Variants in PTPRO observed in about 807,000 individuals in gnomAD.
PTPRO encodes receptor-type tyrosine-protein phosphatase O.
In PTPRO, 62 loss-of-function variants were observed where a neutral mutation model predicts 145.2. The observed-to-expected ratio is 0.43, with a 90% CI of 0.35 to 0.53. The LOEUF (loss-of-function observed/expected upper bound fraction) is 0.53. Ranked by LOEUF, PTPRO falls within the 20% of genes least tolerant of loss-of-function variation. The probability of loss-of-function intolerance (pLI) is 0.01; values close to 1 mark genes in which losing one functional copy is unlikely to be tolerated. For synonymous variants in PTPRO, 565 were observed against 514.7 expected (o/e 1.10, Z -1.32); for missense variants, 1,345 against 1,482.7 (o/e 0.91, Z 1.53).
intron 1 of PTPRO, among the ~76,000 whole-genome samples, chr12:15,435,606 T>A (rs985432622): frequency 1.2e-4 from 18 of 152,058 alleles, no homozygotes; most frequent in African/African-American, 4.1e-4. Flanking sequence ...CCTCTTTACC[T>A]GTATCAGTTT....
At chr12:15,522,768 A>T (rs2136519813) in intron 10 of PTPRO, among the ~76,000 whole-genome samples, 1 of 152,354 alleles carries the variant, frequency 6.6e-6, no homozygotes, top group East Asian at 1.9e-4. Flanking sequence ...TAATAAACAA[A>T]TAGTGACATC....
chr12:15,585,960 A>G (rs988115127), intron 23 of PTPRO, among the ~76,000 whole-genome samples: 1 of 151,036 alleles, frequency 6.6e-6, no homozygotes, highest in Non-Finnish European at 1.5e-5. Flanking sequence ...TATACAAGTT[A>G]TACTCACTTA....
At chr12:15,546,491 C>A in intron 12 of PTPRO, 78 bp from the exon 13 acceptor site, 2 of 1,542,816 alleles carry the variant, frequency 1.3e-6, no homozygotes, top group Non-Finnish European at 1.8e-6. Context: ...TTGGGGGATG[C>A]TTCACCTGCT....
intron 3 of PTPRO, 131 bp downstream of exon 3, chr12:15,497,534 A>C: frequency 1.0e-6 from 1 of 989,800 alleles, no homozygotes; most frequent in Non-Finnish European, 1.5e-6. Flanking sequence ...GCCATTAAAA[A>C]TAATTATTGA....
At chr12:15,341,018 A>C (rs2136215659) in intron 1 of PTPRO, among the ~76,000 whole-genome samples, 1 of 152,350 alleles carries the variant, frequency 6.6e-6, no homozygotes, top group East Asian at 1.9e-4. Context: ...AGTTGCATAA[A>C]AAATTACATC....
intron 1 of PTPRO, among the ~76,000 whole-genome samples, chr12:15,455,541 G>A (rs191852817): frequency 5.3e-5 from 8 of 152,136 alleles, no homozygotes; most frequent in Admixed American, 4.6e-4. Context: ...ATGTTTTGTG[G>A]TTTTTAGTAC....
At chr12:15,343,648 G>A (rs181281634) in intron 1 of PTPRO, among the ~76,000 whole-genome samples, 63 of 152,210 alleles carry the variant, frequency 4.1e-4, no homozygotes, top group African/African-American at 1.5e-3. Context: ...GATTGTGCCA[G>A]TGCACTCCAG....
At chr12:15,492,454 T>C (rs1473883714) in intron 2 of PTPRO, among the ~76,000 whole-genome samples, 1 of 152,108 alleles carries the variant, frequency 6.6e-6, no homozygotes, top group Non-Finnish European at 1.5e-5. Flanking sequence ...GTGCCTACAG[T>C]TCCACCTAAT....
At chr12:15,428,596 T>C (rs1051737325) in intron 1 of PTPRO, among the ~76,000 whole-genome samples, 4 of 152,124 alleles carry the variant, frequency 2.6e-5, no homozygotes, top group Non-Finnish European at 5.9e-5. Flanking sequence ...AATCAAGAAA[T>C]CTAAAGATGG....
intron 24 of PTPRO, among the ~76,000 whole-genome samples, chr12:15,589,057 C>T (rs2135669810): frequency 6.6e-6 from 1 of 152,230 alleles, no homozygotes; most frequent in South Asian, 2.1e-4. Context: ...TTTTAGAAAT[C>T]ATCAGTTTTA....
intron 1 of PTPRO, among the ~76,000 whole-genome samples, chr12:15,354,365 T>C (rs1937916312): frequency 6.6e-6 from 1 of 152,218 alleles, no homozygotes; most frequent in Non-Finnish European, 1.5e-5. Context: ...GCAGAATTCA[T>C]GTTGCTTTCA....
At chr12:15,568,413 G>A (rs1316106593) in intron 18 of PTPRO, among the ~76,000 whole-genome samples, 1 of 151,406 alleles carries the variant, frequency 6.6e-6, no homozygotes, top group African/African-American at 2.4e-5. Context: ...CTGGGTGACA[G>A]AGTGAGACTC....
intron 1 of PTPRO, among the ~76,000 whole-genome samples, chr12:15,368,686 T>A (rs1238870378): frequency 6.6e-6 from 1 of 152,242 alleles, no homozygotes; most frequent in Non-Finnish European, 1.5e-5. Context: ...TAGATAAATT[T>A]CTCCAAACTG....
intron 9 of PTPRO, 112 bp downstream of exon 9, chr12:15,517,068 CA>C: frequency 9.6e-7 from 1 of 1,038,488 alleles, no homozygotes; most frequent in Non-Finnish European, 1.5e-6. Context: ...TGTAAATACA[CA>C]TAGTGTGTTA....
intron 1 of PTPRO, among the ~76,000 whole-genome samples, chr12:15,372,206 T>C (rs1300367946): frequency 2.1e-4 from 32 of 152,184 alleles, no homozygotes. Context: ...GAATCATTTA[T>C]ATACCCTGAA....
chr12:15,516,461 AAG>A lies in PTPRO; in HGVS notation c.1586-294_1586-293del, dbSNP rs1477356182. Among the ~76,000 whole-genome samples the A allele has an allele frequency of 2.7e-5, 4 of 147,836 alleles. No homozygotes were observed. The South Asian group carries it at 6.6e-4, about 24-fold the overall frequency. ...GAGAGTGAGAAAGAAGAGAGTGAGA[AAG>A]AGAGAGAAAAAGAAAAAGAGAGAGA... On this transcript the variant is annotated intron_variant, in intron 8 of 26. Transcript: ENST00000281171.
intron 18 of PTPRO, among the ~76,000 whole-genome samples, chr12:15,566,070 C>T (rs866919558): frequency 2.0e-5 from 3 of 152,208 alleles, no homozygotes; most frequent in Middle Eastern, 6.8e-3. Flanking sequence ...TCTCAAGAAA[C>T]CTGTATAATA....
chr12:15,380,199 A>G (rs1484923363), intron 1 of PTPRO, among the ~76,000 whole-genome samples: 2 of 152,148 alleles, frequency 1.3e-5, no homozygotes, highest in Non-Finnish European at 2.9e-5. Flanking sequence ...GAGAGAATGT[A>G]TTAAGTAATG....
chr12:15,331,962 C>CTTTTTTTTTTTTTTTTTTT (rs200334215), intron 1 of PTPRO, among the ~76,000 whole-genome samples: 1 of 118,248 alleles, frequency 8.5e-6, no homozygotes, highest in Non-Finnish European at 1.8e-5. Context: ...CTCTTTCTTT[C>CTTTTTTTTTTTTTTTTTTT]TTTTTTTTTT....
Sources: gnomAD v4.1 joint callset for allele counts (sites outside exome capture counted in the v4.1 genomes callset) on GRCh38, gnomAD v4.1.1 for gene constraint, MANE v1.5 for transcripts, NCBI Gene and HGNC (gene_info 2026-07-23, HGNC 2026-07-21) for gene names.